ZNRF2: variants seen among roughly 807,000 people sequenced by gnomAD.
ZNRF2 encodes zinc and ring finger 2, also known as E3 ubiquitin-protein ligase ZNRF2.
ZNRF2 carries 16 observed loss-of-function variants against 20.4 expected under a neutral mutation model. That is an observed-to-expected ratio of 0.79 (90% confidence interval 0.53 to 1.19). ZNRF2 has a LOEUF of 1.19. ZNRF2 is among the 50% of genes most tolerant of loss of function. The probability of loss-of-function intolerance (pLI) is 0.00; values close to 1 mark genes in which losing one functional copy is unlikely to be tolerated. For synonymous variants in ZNRF2, 178 were observed against 144.9 expected, an observed-to-expected ratio of 1.23 and a Z score of -1.64; for missense variants, 363 against 332.4, an observed-to-expected ratio of 1.09 and a Z score of -0.72.
Position 30,304,419 on chromosome 7 carries a change from C to A in ZNRF2, c.469+18593C>A, listed in dbSNP as rs111868771. On this transcript the variant is annotated intron_variant, in intron 1 of 4. Coordinates refer to ENST00000323037, the MANE Select transcript of ZNRF2 (RefSeq NM_147128.4). The stretch of plus-strand genomic sequence containing the variant: ...TAGCACTTTATGCCTGTCAGACTGG[C>A]AGAAAATAAAGTAGTAACATACTGT... 3.5e-3 allele frequency among the ~76,000 whole-genome samples: 533 copies of A among 152,206 alleles called. 3 individuals carry two copies. The highest frequency in any genetic ancestry group is 0.012 in the African/African-American group (505 of 41,508).
chr7:30,295,014 G>GGGGAGAGAGA (rs1554293418), intron 1 of ZNRF2, among the ~76,000 whole-genome samples: 2 of 25,228 alleles, frequency 7.9e-5, no homozygotes, highest in East Asian at 1.1e-3. Context: ...AGGGAGGGAA[G>GGGGAGAGAGA]GAGAGAGAGA....
At chr7:30,293,254 T>TG (rs1798944039) in intron 1 of ZNRF2, among the ~76,000 whole-genome samples, 1 of 151,690 alleles carries the variant, frequency 6.6e-6, no homozygotes, top group African/African-American at 2.4e-5. Context: ...TTACATTTTT[T>TG]TTTTTTTTTT....
intron 1 of ZNRF2, among the ~76,000 whole-genome samples, chr7:30,305,950 T>C (rs1250833314): frequency 2.0e-5 from 3 of 152,298 alleles, no homozygotes; most frequent in Admixed American, 2.0e-4. Flanking sequence ...TCTTATTTAT[T>C]ACTGTTTGTA....
chr7:30,355,846 A>C lies in ZNRF2; in HGVS notation c.671+13A>C, dbSNP rs1169654089. 1.3e-6 allele frequency: 2 copies of C among 1,583,474 alleles called. No individual in the cohort carries two copies. Among genetic ancestry groups the C allele is most frequent in the African/African-American group, 2.7e-5 (2 of 74,328 alleles). ...TATATCATAAAGGGTAAGTTCACCA[A>C]GTTGGTATTAGAGTAAAAGATTGTT... On this transcript the variant is annotated intron_variant, in intron 3 of 4. Coordinates refer to ENST00000323037, the MANE Select transcript of ZNRF2 (RefSeq NM_147128.4).
intron 1 of ZNRF2, among the ~76,000 whole-genome samples, chr7:30,311,799 G>A (rs1300768196): frequency 5.9e-5 from 9 of 151,966 alleles, no homozygotes; most frequent in Admixed American, 5.2e-4. Flanking sequence ...AACAGTAGTC[G>A]GCAAAATTTT....
intron 2 of ZNRF2, among the ~76,000 whole-genome samples, chr7:30,347,084 T>A (rs1303122319): frequency 6.6e-6 from 1 of 152,180 alleles, no homozygotes; most frequent in Non-Finnish European, 1.5e-5. Context: ...ATTCTGTCCC[T>A]ATAGTAGGTG....
At chr7:30,303,650 G>A (rs1179550308) in intron 1 of ZNRF2, among the ~76,000 whole-genome samples, 1 of 152,176 alleles carries the variant, frequency 6.6e-6, no homozygotes, top group Non-Finnish European at 1.5e-5. Context: ...ATATGATTGT[G>A]TTGATCACAG....
At chr7:30,294,644 A>G (rs1798978019) in intron 1 of ZNRF2, among the ~76,000 whole-genome samples, 1 of 152,012 alleles carries the variant, frequency 6.6e-6, no homozygotes, top group Non-Finnish European at 1.5e-5. Flanking sequence ...TCAGCCGGGC[A>G]TGGTGGCAGG....
intron 3 of ZNRF2, 106 bp downstream of exon 3, chr7:30,355,939 T>C: frequency 1.5e-6 from 1 of 683,146 alleles, no homozygotes. Context: ...CCTCCCTGTC[T>C]CACACACACT....
At chr7:30,363,660 C>A (rs1800163505) in intron 4 of ZNRF2, among the ~76,000 whole-genome samples, 1 of 151,732 alleles carries the variant, frequency 6.6e-6, no homozygotes, top group Admixed American at 6.6e-5. Flanking sequence ...GAAAAAAAAA[C>A]TAGTTTTGTT....
At chr7:30,331,132 T>C (rs748321790) in intron 2 of ZNRF2, among the ~76,000 whole-genome samples, 4 of 152,180 alleles carry the variant, frequency 2.6e-5, no homozygotes, top group African/African-American at 7.2e-5. Context: ...CAGAAGAGCC[T>C]GGCAGAAACA....
In ZNRF2 at chr7:30,314,337, A is replaced by G. The variant is rs182031183; in HGVS notation, c.470-9305A>G. The stretch of plus-strand genomic sequence containing the variant: ...GTAACATTACATTACATAACATAAC[A>G]TTGTACAACATAGCATCACAGTGAC... On this transcript the variant is annotated intron_variant, in intron 1 of 4. Transcript: ENST00000323037. Among the ~76,000 whole-genome samples, 648 of 152,286 alleles carry G rather than the reference A, an allele frequency of 4.3e-3. 12 individuals are homozygous for G. The highest frequency in any genetic ancestry group is 2.7e-3 in the Non-Finnish European group (187 of 68,032).
chr7:30,302,786 T>A (rs1257060579), intron 1 of ZNRF2, among the ~76,000 whole-genome samples: 1 of 152,188 alleles, frequency 6.6e-6, no homozygotes, highest in Non-Finnish European at 1.5e-5. Context: ...CTACCACTAC[T>A]AATGCTTTCA....
chr7:30,304,452 G>A (rs1462789891), intron 1 of ZNRF2, among the ~76,000 whole-genome samples: 1 of 152,204 alleles, frequency 6.6e-6, no homozygotes, highest in Non-Finnish European at 1.5e-5. Flanking sequence ...TGTTGCAAGT[G>A]ATATGGCTTG....
chr7:30,362,296 G>T, intron 3 of ZNRF2, 81 bp from the exon 4 acceptor site: 1 of 924,472 alleles, frequency 1.1e-6, no homozygotes, highest in Non-Finnish European at 1.6e-6. Context: ...ATATATTAAA[G>T]TCAAGTATTT....
At chr7:30,322,987 G>A (rs1003104796) in intron 1 of ZNRF2, among the ~76,000 whole-genome samples, 1 of 152,186 alleles carries the variant, frequency 6.6e-6, no homozygotes, top group East Asian at 1.9e-4. Context: ...ATTGAATAAT[G>A]TAGGAAACTA....
At chr7:30,361,124 A>G (rs1407162508) in intron 3 of ZNRF2, among the ~76,000 whole-genome samples, 1 of 152,214 alleles carries the variant, frequency 6.6e-6, no homozygotes, top group African/African-American at 2.4e-5. Flanking sequence ...GATACTATTC[A>G]GATATATTAT....
Position 30,284,924 on chromosome 7 carries a change from G to A in ZNRF2, c.-434G>A, listed in dbSNP as rs1798743436. On this transcript the variant is annotated 5_prime_UTR_variant, in exon 1 of 5. Coordinates refer to ENST00000323037, the MANE Select transcript of ZNRF2 (RefSeq NM_147128.4). ...CACTCAGCCGCCAGCCGCCGTGGGA[G>A]CCGGAGGATGGCGGCGGTAGCAGCG... is the stretch of plus-strand genomic sequence containing the variant. 3.9e-6 allele frequency: 1 copy of A among 254,526 alleles called. No individual in the cohort carries two copies. 15.8% of individuals were successfully genotyped at this position (254,526 alleles called of 1,614,324 possible).
In ZNRF2 at chr7:30,303,272, AAAAAAG is replaced by A. The variant is rs764965685; in HGVS notation, c.469+17463_469+17468del. ...AAATGAGATCCTGTCTCAAAAAAAA[AAAAAAG>A]AAAAAGAAAAAGAAAACTAGTTAAC... On this transcript the variant is annotated intron_variant, in intron 1 of 4. Coordinates refer to ENST00000323037, the MANE Select transcript of ZNRF2 (RefSeq NM_147128.4). Among the ~76,000 whole-genome samples the A allele has an allele frequency of 4.7e-4, 72 of 152,078 alleles. 1 individual carries two copies. The highest frequency in any genetic ancestry group is 3.7e-3 in the South Asian group (18 of 4,820).
Sources: gnomAD v4.1 joint callset for allele counts (sites outside exome capture counted in the v4.1 genomes callset) on GRCh38, gnomAD v4.1.1 for gene constraint, MANE v1.5 for transcripts, NCBI Gene and HGNC (gene_info 2026-07-23, HGNC 2026-07-21) for gene names.